Variants in RHOQ observed in about 807,000 individuals in gnomAD.
RHOQ encodes rho-related GTP-binding protein RhoQ.
A neutral mutation model predicts 25.8 loss-of-function variants in RHOQ; 7 were observed. The observed-to-expected ratio is 0.27, with a 90% confidence interval of 0.15 to 0.51. The LOEUF is 0.51. Ranked by LOEUF, RHOQ falls within the 20% of genes least tolerant of loss-of-function variation. The probability of loss-of-function intolerance (pLI) is 0.97; values close to 1 mark genes in which losing one functional copy is unlikely to be tolerated. For missense variants in RHOQ, 165 were observed against 260.6 expected (o/e 0.63, Z 2.53); for synonymous variants, 97 against 98.6 (o/e 0.98, Z 0.10).
intron 1 of RHOQ, chr2:46,543,402 C>T (rs1667905477): frequency 5.0e-6 from 3 of 605,958 alleles, no homozygotes; most frequent in Middle Eastern, 4.3e-4. Flanking sequence ...CCCTACGCGG[C>T]TCCTGCTCCC....
At chr2:46,560,760 C>G (rs1668551208) in intron 2 of RHOQ, 2 of 307,924 alleles carry the variant, frequency 6.5e-6, no homozygotes, top group East Asian at 8.7e-5. Context: ...CTGTATAGAC[C>G]ATGACTTTTC....
intron 2 of RHOQ, among the ~76,000 whole-genome samples, chr2:46,549,564 T>C (rs1668176326): frequency 6.6e-6 from 1 of 152,216 alleles, no homozygotes; most frequent in Non-Finnish European, 1.5e-5. Context: ...AGAAACAAGA[T>C]GGAAGACCAT....
Position 46,548,683 on chromosome 2 carries a change from G to T in RHOQ, c.201+4871G>T, listed in dbSNP as rs1289396836. On this transcript the variant is annotated intron_variant, in intron 2 of 4. Coordinates refer to ENST00000238738, the MANE Select transcript of RHOQ (RefSeq NM_012249.4). This position sits in a 1 kb window ranked among gnomAD's most constrained non-coding sequence, Gnocchi z 5.2. ...TGAGCAGAGCCTGGGAGGAGCCCCA[G>T]GGTTCCTTCCAGGCATCAGCTGCAA... Among the ~76,000 whole-genome samples, 1 of 152,146 alleles carries T rather than the reference G, an allele frequency of 6.6e-6. No homozygotes were observed. Among genetic ancestry groups the T allele is most frequent in the Non-Finnish European group, 1.5e-5 (1 of 68,022 alleles).
chr2:46,551,268 T>G (rs145163793), intron 2 of RHOQ, among the ~76,000 whole-genome samples: 1 of 152,190 alleles, frequency 6.6e-6, no homozygotes, highest in Non-Finnish European at 1.5e-5. Context: ...ATGGCTCAGG[T>G]TGTCCTAGCT....
intron 2 of RHOQ, among the ~76,000 whole-genome samples, chr2:46,563,782 C>T (rs1224288304): frequency 6.6e-6 from 1 of 152,052 alleles, no homozygotes; most frequent in Admixed American, 6.5e-5. Context: ...CATACCTTTG[C>T]ACACTTGTGG....
chr2:46,557,350 A>G (rs190612393), intron 2 of RHOQ, among the ~76,000 whole-genome samples: 3 of 152,234 alleles, frequency 2.0e-5, no homozygotes, highest in Non-Finnish European at 2.9e-5. Context: ...TCACAGAATG[A>G]TTTATATTAG....
At chr2:46,568,524 A>G (rs1668807381) in intron 2 of RHOQ, 1 of 152,182 alleles carries the variant, frequency 6.6e-6, no homozygotes, top group Admixed American at 6.5e-5. Context: ...TTCAAGATGG[A>G]TCACTCTTGC....
chr2:46,551,542 G>T (rs2103988540), intron 2 of RHOQ, among the ~76,000 whole-genome samples: 1 of 152,348 alleles, frequency 6.6e-6, no homozygotes, highest in Admixed American at 6.5e-5. Context: ...ATGTGGAGCA[G>T]GGTTGATAAC....
At position 46,555,936 on chromosome 2, in the gene RHOQ, G is replaced by C. The variant is rs72875694; in HGVS notation, c.201+12124G>C. 5.0e-4 allele frequency among the ~76,000 whole-genome samples: 76 copies of C among 152,328 alleles called. No homozygotes were observed. The highest frequency in any genetic ancestry group is 1.8e-3 in the African/African-American group (75 of 41,574). ...AAGTAATTACTCAGAGAAATTGCTG[G>C]TGTGTCAAACTGCTTGATATGTAAG... On this transcript the variant is annotated intron_variant, in intron 2 of 4. Transcript: ENST00000238738. This position sits in a 1 kb window ranked among gnomAD's most constrained non-coding sequence, Gnocchi z 4.3.
rs1051917518 is a variant in RHOQ, at chr2:46,544,714, T to G, written c.201+902T>G. On this transcript the variant is annotated intron_variant, in intron 2 of 4. Transcript: ENST00000238738. Reference sequence around the variant, plus strand: ...CAGCACTATGATTAGAGTTGAAGACTCTGGCAGAAGTTTCCACATGTCATA... The same window carrying G: ...CAGCACTATGATTAGAGTTGAAGACGCTGGCAGAAGTTTCCACATGTCATA... Among the ~76,000 whole-genome samples, 6 of 152,238 alleles carry G rather than the reference T, an allele frequency of 3.9e-5. No homozygotes were observed. In the South Asian group the frequency reaches 1.0e-3, roughly 26 times the overall value.
chr2:46,577,740 A>G (rs1331164659), intron 4 of RHOQ, among the ~76,000 whole-genome samples: 2 of 151,712 alleles, frequency 1.3e-5, no homozygotes, highest in East Asian at 3.9e-4. Context: ...AAAATGTAGT[A>G]TCAGGAGGCA....
At position 46,569,587 on chromosome 2, in the gene RHOQ, A is replaced by G. The variant is rs1402333582; in HGVS notation, c.202-6500A>G. 1 of 152,188 alleles carries G rather than the reference A, an allele frequency of 6.6e-6. No homozygotes were observed. Among genetic ancestry groups the G allele is most frequent in the Non-Finnish European group, 1.5e-5 (1 of 68,038 alleles). 9.4% of individuals were successfully genotyped at this position (152,188 alleles called of 1,614,324 possible). On this transcript the variant is annotated intron_variant, in intron 2 of 4. Coordinates refer to ENST00000238738, the MANE Select transcript of RHOQ (RefSeq NM_012249.4). This position sits in a 1 kb window ranked among gnomAD's most constrained non-coding sequence, Gnocchi z 4.1. ...CCAGCCAACCTAAACAGGAGTTACA[A>G]TCAGTCAGGTGGCCAAAAGGAAAGC...
intron 2 of RHOQ, among the ~76,000 whole-genome samples, chr2:46,545,393 A>G (rs1232780525): frequency 6.6e-6 from 1 of 152,090 alleles, no homozygotes; most frequent in Non-Finnish European, 1.5e-5. Context: ...GACCATGATA[A>G]TTTTTGACCG....
chr2:46,553,448 A>G (rs1558683595), intron 2 of RHOQ, among the ~76,000 whole-genome samples: 1 of 152,346 alleles, frequency 6.6e-6, no homozygotes, highest in East Asian at 1.9e-4. Flanking sequence ...TAGGGTATCC[A>G]TCCCCTCAAG....
At chr2:46,544,208 G>A (rs1045656335) in intron 2 of RHOQ, among the ~76,000 whole-genome samples, 2 of 152,192 alleles carry the variant, frequency 1.3e-5, no homozygotes, top group Non-Finnish European at 2.9e-5. Context: ...GCCTGCCCAA[G>A]GAGCCTGATT....
At chr2:46,550,523 A>T (rs1042071297) in intron 2 of RHOQ, among the ~76,000 whole-genome samples, 1 of 152,182 alleles carries the variant, frequency 6.6e-6, no homozygotes, top group Non-Finnish European at 1.5e-5. Flanking sequence ...CGGCCTTTGC[A>T]TGTTTCCTGA....
chr2:46,546,847 A>T (rs1221054946), intron 2 of RHOQ, among the ~76,000 whole-genome samples: 1 of 152,048 alleles, frequency 6.6e-6, no homozygotes, highest in East Asian at 1.9e-4. Context: ...AGAACAGTAT[A>T]TTGTGCCTGG....
chr2:46,545,485 C>T (rs1457444906), intron 2 of RHOQ, among the ~76,000 whole-genome samples: 1 of 152,088 alleles, frequency 6.6e-6, no homozygotes, highest in African/African-American at 2.4e-5. Flanking sequence ...GAGTTTTTTC[C>T]TACATATGGG....
rs1477777986 is a variant in RHOQ at position 46,556,124 on chromosome 2, C to T, written c.201+12312C>T. 6.6e-6 allele frequency among the ~76,000 whole-genome samples: 1 copy of T among 152,068 alleles called. No homozygotes were observed. The highest frequency in any genetic ancestry group is 1.5e-5 in the Non-Finnish European group (1 of 68,006). On this transcript the variant is annotated intron_variant, in intron 2 of 4. Transcript: ENST00000238738. This position sits in a 1 kb window ranked among gnomAD's most constrained non-coding sequence, Gnocchi z 4.9. Reference sequence around the variant, plus strand: ...TGTCTTTCTGTTTCTATGGATTTACCTATTCTGGACATTTCATATTAATGG... The same window carrying T: ...TGTCTTTCTGTTTCTATGGATTTACTTATTCTGGACATTTCATATTAATGG...
Sources: gnomAD v4.1 joint callset for allele counts (sites outside exome capture counted in the v4.1 genomes callset) on GRCh38, gnomAD v4.1.1 for gene constraint, Gnocchi (gnomAD v3.1) non-coding constraint, MANE v1.5 for transcripts, NCBI Gene and HGNC (gene_info 2026-07-23, HGNC 2026-07-21) for gene names.